The following NEO1 variants were observed in gnomAD, a reference collection of about 807,000 sequenced individuals.
NEO1 encodes the protein neogenin.
In NEO1, 63 loss-of-function variants were observed where a neutral mutation model predicts 159.7. The observed-to-expected ratio is 0.39, with a 90% CI of 0.32 to 0.49. NEO1 has a LOEUF of 0.49. NEO1 is among the 20% of genes least tolerant of loss of function. NEO1 has a pLI of 0.85. For missense variants in NEO1, 1,615 were observed against 1,831.0 expected, an observed-to-expected ratio of 0.88 and a Z score of 2.15; for synonymous variants, 633 against 662.0, an observed-to-expected ratio of 0.96 and a Z score of 0.67.
rs35031912 is a variant in NEO1 at position 73,068,956 on chromosome 15, C to CT, written c.130+16166dup. Reference sequence around the variant, plus strand: ...ATGTAAAACCTTTGATAGAGTGGGGCTTTTTTTTTTTTTTTGGAGACAGGG... The same window carrying CT: ...ATGTAAAACCTTTGATAGAGTGGGGCTTTTTTTTTTTTTTTTGGAGACAGGG... On this transcript the variant is annotated intron_variant, in intron 1 of 28. Coordinates refer to ENST00000261908, the MANE Select transcript of NEO1 (RefSeq NM_002499.4). 9.9e-3 allele frequency among the ~76,000 whole-genome samples: 1,352 copies of CT among 135,948 alleles called. 13 individuals carry two copies. The highest frequency in any genetic ancestry group is 0.05 in the South Asian group (213 of 4,256). 89.2% of individuals were successfully genotyped at this position (135,948 alleles called of 152,430 possible). A position where few individuals can be genotyped will look rare whatever the true frequency, so the allele number is the denominator to read the frequency against.
At position 73,176,429 on chromosome 15, in the gene NEO1, A is replaced by G. The variant is rs983530000; in HGVS notation, c.1042A>G (p.Thr348Ala). 4 of 1,588,910 alleles carry G rather than the reference A, an allele frequency of 2.5e-6. No individual in the cohort carries two copies. Among genetic ancestry groups the G allele is most frequent in the South Asian group, 1.2e-5 (1 of 85,130 alleles). The part of the protein sequence containing the change: ...QAQPEFLKQP[T>A]NIYAHESMDI... ...TCAACCTGAATTCCTGAAGCAGCCTACTAATATATATGCTCACGAATCTAT... is the reference window on the plus strand; with the variant it reads ...TCAACCTGAATTCCTGAAGCAGCCTGCTAATATATATGCTCACGAATCTAT... The change falls in exon 6 of 29, where the codon ACT (threonine) becomes GCT (alanine). Residue 348 changes from threonine (T) to alanine (A), a missense_variant. Transcript: ENST00000261908.
chr15:73,066,252 C>T (rs1054824346), intron 1 of NEO1, among the ~76,000 whole-genome samples: 5 of 150,756 alleles, frequency 3.3e-5, no homozygotes, highest in Non-Finnish European at 5.9e-5. Context: ...GTCTCCTGAC[C>T]TCGTGATCCA....
chr15:73,265,703 G>C (rs939398725), intron 15 of NEO1, among the ~76,000 whole-genome samples: 2 of 152,164 alleles, frequency 1.3e-5, no homozygotes, highest in Non-Finnish European at 2.9e-5. Flanking sequence ...GGAAGACCAG[G>C]TGCCTCTATT....
chr15:73,284,883 C>T (rs1011268264), intron 23 of NEO1, among the ~76,000 whole-genome samples: 3 of 152,066 alleles, frequency 2.0e-5, no homozygotes, highest in Non-Finnish European at 4.4e-5. Flanking sequence ...CCACTGCGCC[C>T]GGCCCTGTCT....
intron 5 of NEO1, among the ~76,000 whole-genome samples, chr15:73,144,248 TACAA>T (rs1208154165): frequency 6.6e-6 from 1 of 152,212 alleles, no homozygotes; most frequent in Non-Finnish European, 1.5e-5. Context: ...CATACATGTT[TACAA>T]ACAATTCATC....
intron 7 of NEO1, among the ~76,000 whole-genome samples, chr15:73,232,688 A>T (rs1181303244): frequency 6.6e-6 from 1 of 152,104 alleles, no homozygotes; most frequent in Non-Finnish European, 1.5e-5. Context: ...CTCATGGAAT[A>T]CCTTGTTCCA....
At chr15:73,167,078 G>C (rs1303352620) in intron 5 of NEO1, among the ~76,000 whole-genome samples, 3 of 141,518 alleles carry the variant, frequency 2.1e-5, no homozygotes, top group East Asian at 4.3e-4. Context: ...TGAACAATGA[G>C]AACACTTGGA....
At position 73,298,367 on chromosome 15, in the gene NEO1, C is replaced by T. The variant is rs754909765; in HGVS notation, c.3921C>T (p.Pro1307=). The T allele has an allele frequency of 1.9e-6, 3 of 1,614,218 alleles. No homozygotes were observed. The highest frequency in any genetic ancestry group is 1.1e-5 in the South Asian group (1 of 91,086). ...CTGTAGAATCCGTTCGAAATACCCC[C>T]AGCACTGACACCATGCCAGCCTCTT... The part of the protein sequence containing the change: ...ANSTESVRNT[P]STDTMPASSS... Residue 1307 remains proline (P), a synonymous_variant, in exon 27 of 29, where the codon CCC becomes CCT. Coordinates refer to ENST00000261908, the MANE Select transcript of NEO1 (RefSeq NM_002499.4).
At chr15:73,263,961 G>A (rs1404438854) in intron 15 of NEO1, among the ~76,000 whole-genome samples, 1 of 152,168 alleles carries the variant, frequency 6.6e-6, no homozygotes, top group African/African-American at 2.4e-5. Context: ...TAAGGCAGGA[G>A]GATCGCTTGA....
chr15:73,135,834 G>A (rs2031689385), intron 4 of NEO1, 57 bp from the exon 5 acceptor site: 2 of 1,389,358 alleles, frequency 1.4e-6, no homozygotes, highest in African/African-American at 3.0e-5. Context: ...GAGTTTTTCA[G>A]GTATTATTTT....
chr15:73,117,971 A>G lies in NEO1; in HGVS notation c.448+1114A>G, dbSNP rs376998409. ...TTCTCTCTCCCTTAAAAAATAATCTATTTGCCAGGCTTTCTCCAACATGTT... is the reference window on the plus strand; with the variant it reads ...TTCTCTCTCCCTTAAAAAATAATCTGTTTGCCAGGCTTTCTCCAACATGTT... On this transcript the variant is annotated intron_variant, in intron 2 of 28. Coordinates refer to ENST00000261908, the MANE Select transcript of NEO1 (RefSeq NM_002499.4). Among the ~76,000 whole-genome samples the G allele has an allele frequency of 3.3e-5, 5 of 149,812 alleles. No individual in the cohort carries two copies. In the South Asian group the frequency reaches 6.3e-4, roughly 19 times the overall value.
intron 1 of NEO1, among the ~76,000 whole-genome samples, chr15:73,062,821 A>G (rs1022647410): frequency 4.6e-5 from 7 of 152,360 alleles, no homozygotes; most frequent in Non-Finnish European, 7.3e-5. Flanking sequence ...TGAGTCTGAA[A>G]TGTCAGCAGA....
At chr15:73,106,915 G>C (rs1386393510) in intron 1 of NEO1, among the ~76,000 whole-genome samples, 2 of 152,150 alleles carry the variant, frequency 1.3e-5, no homozygotes, top group African/African-American at 4.8e-5. Context: ...AAGTGTCCTT[G>C]TATTTTGTAA....
At chr15:73,056,247 G>C (rs550687772) in intron 1 of NEO1, among the ~76,000 whole-genome samples, 1 of 152,200 alleles carries the variant, frequency 6.6e-6, no homozygotes, top group African/African-American at 2.4e-5. Context: ...TCAGATCTCC[G>C]TGCCTTTGCA....
intron 15 of NEO1, among the ~76,000 whole-genome samples, chr15:73,261,112 C>T (rs979821482): frequency 6.6e-6 from 1 of 152,050 alleles, no homozygotes; most frequent in African/African-American, 2.4e-5. Flanking sequence ...GTCCATTTGA[C>T]ATCTTCCATC....
chr15:73,247,518 T>C (rs1352538513), intron 9 of NEO1, among the ~76,000 whole-genome samples: 1 of 152,204 alleles, frequency 6.6e-6, no homozygotes, highest in Non-Finnish European at 1.5e-5. Context: ...GCACAAAATA[T>C]GCCCTTAACT....
intron 13 of NEO1, among the ~76,000 whole-genome samples, chr15:73,256,550 T>A (rs1483650739): frequency 6.6e-6 from 1 of 152,132 alleles, no homozygotes; most frequent in Non-Finnish European, 1.5e-5. Context: ...TTCTAAAAAT[T>A]GAGAGAGCCA....
At chr15:73,289,364 C>A in intron 25 of NEO1, 126 bp downstream of exon 25, 1 of 799,904 alleles carries the variant, frequency 1.3e-6, no homozygotes. Context: ...AGCTTTGACA[C>A]CTTGAAGGAG....
intron 1 of NEO1, among the ~76,000 whole-genome samples, chr15:73,107,160 T>G (rs1363851468): frequency 1.3e-5 from 2 of 152,212 alleles, no homozygotes; most frequent in Non-Finnish European, 2.9e-5. Context: ...AATGAGAGAT[T>G]TATCATTATG....
Sources: gnomAD v4.1 joint callset for allele counts (sites outside exome capture counted in the v4.1 genomes callset) on GRCh38, gnomAD v4.1.1 for gene constraint, MANE v1.5 for transcripts, NCBI Gene and HGNC (gene_info 2026-07-23, HGNC 2026-07-21) for gene names.